DIS3L2: variants seen among roughly 807,000 people sequenced by gnomAD.
DIS3L2 encodes DIS3 like 3'-5' exoribonuclease 2.
A neutral mutation model predicts 97.5 loss-of-function variants in DIS3L2; 34 were observed. That is an observed-to-expected ratio of 0.35 (90% CI 0.27 to 0.46). The LOEUF (loss-of-function observed/expected upper bound fraction) is 0.46. DIS3L2 is among the 20% of genes least tolerant of loss of function. DIS3L2 has a pLI of 1.00. For synonymous variants in DIS3L2, 435 were observed against 445.2 expected (o/e 0.98, Z 0.29); for missense variants, 1,038 against 1,146.0 (o/e 0.91, Z 1.36).
At chr2:232,079,327 T>C (rs1306533845) in intron 5 of DIS3L2, among the ~76,000 whole-genome samples, 2 of 152,044 alleles carry the variant, frequency 1.3e-5, no homozygotes, top group Non-Finnish European at 2.9e-5. Context: ...CCAGGCGCAG[T>C]GGCTCACACC....
At chr2:232,128,013 C>T (rs1171245655) in intron 6 of DIS3L2, among the ~76,000 whole-genome samples, 14 of 152,068 alleles carry the variant, frequency 9.2e-5, no homozygotes, top group South Asian at 2.1e-4. Context: ...TGCGGTGGCA[C>T]GATCCTGATT....
At chr2:232,032,367 ATTTG>A (rs1419297584) in intron 5 of DIS3L2, among the ~76,000 whole-genome samples, 1 of 152,008 alleles carries the variant, frequency 6.6e-6, no homozygotes, top group African/African-American at 2.4e-5. Context: ...TTTCTTGTAA[ATTTG>A]TTTAAGTTCC....
intron 13 of DIS3L2, among the ~76,000 whole-genome samples, chr2:232,282,871 G>A (rs933999595): frequency 1.3e-5 from 2 of 152,204 alleles, no homozygotes; most frequent in Non-Finnish European, 2.9e-5. Context: ...GCGTGGGGAT[G>A]GCTGCCTGTT....
At chr2:232,015,450 A>G (rs1044097275) in intron 2 of DIS3L2, 64 bp from the exon 3 acceptor site, 3 of 1,570,032 alleles carry the variant, frequency 1.9e-6, no homozygotes, top group African/African-American at 2.7e-5. Context: ...AAGGTATAAT[A>G]TCTCCAGTTT....
At chr2:232,031,148 A>G (rs1414846254) in intron 5 of DIS3L2, among the ~76,000 whole-genome samples, 1 of 152,214 alleles carries the variant, frequency 6.6e-6, no homozygotes, top group African/African-American at 2.4e-5. Context: ...ATGAGAATAC[A>G]TGTAAAAATT....
intron 1 of DIS3L2, among the ~76,000 whole-genome samples, chr2:231,986,502 C>T (rs1388903578): frequency 1.3e-5 from 2 of 152,168 alleles, no homozygotes; most frequent in South Asian, 2.1e-4. Context: ...TCTGGGTCCA[C>T]ATATTGTGTT....
chr2:232,326,203 C>T (rs1695568230), intron 14 of DIS3L2, among the ~76,000 whole-genome samples: 1 of 152,134 alleles, frequency 6.6e-6, no homozygotes, highest in Non-Finnish European at 1.5e-5. Flanking sequence ...CTGGGCGCCA[C>T]CTGCTGGCCC....
chr2:232,250,971 C>A (rs1042626843), intron 12 of DIS3L2, among the ~76,000 whole-genome samples: 1 of 152,198 alleles, frequency 6.6e-6, no homozygotes, highest in Non-Finnish European at 1.5e-5. Flanking sequence ...AAGCTTCACC[C>A]GCACAATCAG....
intron 6 of DIS3L2, among the ~76,000 whole-genome samples, chr2:232,128,576 T>A (rs1309343312): frequency 7.0e-6 from 1 of 143,120 alleles, no homozygotes. Flanking sequence ...CACCTCAGCC[T>A]CCTGAGTAGC....
intron 13 of DIS3L2, among the ~76,000 whole-genome samples, chr2:232,289,051 C>T (rs948723529): frequency 2.0e-5 from 3 of 151,956 alleles, no homozygotes; most frequent in Non-Finnish European, 4.4e-5. Context: ...CAGATGCAGT[C>T]GTCCTGCTTG....
intron 11 of DIS3L2, among the ~76,000 whole-genome samples, chr2:232,247,571 A>G (rs1297505184): frequency 7.9e-6 from 1 of 126,790 alleles, no homozygotes; most frequent in East Asian, 2.5e-4. Context: ...CCCTGTCTCT[A>G]TATACGGTCA....
intron 5 of DIS3L2, among the ~76,000 whole-genome samples, chr2:232,065,319 TC>T (rs111488026): frequency 4.0e-5 from 6 of 151,874 alleles, no homozygotes; most frequent in African/African-American, 1.2e-4. Flanking sequence ...CTCTTTTTTT[TC>T]CTTATAAAAG....
intron 9 of DIS3L2, among the ~76,000 whole-genome samples, chr2:232,195,139 G>GA (rs1343989501): frequency 6.6e-6 from 1 of 152,090 alleles, no homozygotes; most frequent in East Asian, 1.9e-4. Flanking sequence ...CTCCATTAAT[G>GA]AAAAGAAGGA....
At chr2:232,220,790 G>A (rs77089064) in intron 10 of DIS3L2, among the ~76,000 whole-genome samples, 2 of 152,054 alleles carry the variant, frequency 1.3e-5, no homozygotes, top group Non-Finnish European at 2.9e-5. Context: ...TGCCATGTTG[G>A]TGAGACATTG....
At chr2:232,084,310 T>G (rs146135013) in intron 5 of DIS3L2, among the ~76,000 whole-genome samples, 1 of 152,274 alleles carries the variant, frequency 6.6e-6, no homozygotes, top group Non-Finnish European at 1.5e-5. Flanking sequence ...AGGTCCTTTT[T>G]GGGACCAGAA....
At chr2:232,011,983 A>G (rs72987642) in intron 1 of DIS3L2, among the ~76,000 whole-genome samples, 2,098 of 152,330 alleles carry the variant, frequency 0.014, 19 homozygotes, top group Non-Finnish European at 0.022. Context: ...AGCATTTTAT[A>G]TACTCAGAAT....
At chr2:232,254,462 A>AT (rs1275462216) in intron 12 of DIS3L2, among the ~76,000 whole-genome samples, 10 of 151,364 alleles carry the variant, frequency 6.6e-5, no homozygotes, top group Non-Finnish European at 1.5e-4. Context: ...ACTATGAGTA[A>AT]TTTTTTCTAC....
intron 6 of DIS3L2, among the ~76,000 whole-genome samples, chr2:232,092,167 C>A (rs1318056151): frequency 6.6e-6 from 1 of 152,140 alleles, no homozygotes; most frequent in Non-Finnish European, 1.5e-5. Flanking sequence ...TTCCCCAGTG[C>A]ATGTTATTGG....
At chr2:232,343,961 C>A in exon 14 of DIS3L2, 1 of 167,506 alleles carries the variant, frequency 6.0e-6, no homozygotes. Flanking sequence ...TACAGTTAAT[C>A]CAGCAACAAA....
Sources: gnomAD v4.1 joint callset for allele counts (sites outside exome capture counted in the v4.1 genomes callset) on GRCh38, gnomAD v4.1.1 for gene constraint, MANE v1.5 for transcripts, NCBI Gene and HGNC (gene_info 2026-07-23, HGNC 2026-07-21) for gene names.